The following ELMO1 variants were observed in gnomAD, a reference collection of about 807,000 sequenced individuals.
The protein encoded by ELMO1 is engulfment and cell motility protein 1.
ELMO1 carries 26 observed loss-of-function variants against 98.9 expected under a neutral mutation model. The ratio of observed to expected loss-of-function variants is 0.26; its 90% CI spans 0.19 to 0.36. ELMO1 has a LOEUF of 0.36. Among genes scored for constraint, ELMO1 ranks in the 10% least tolerant of loss-of-function variants. The probability of loss-of-function intolerance (pLI) is 1.00; values close to 1 mark genes in which losing one functional copy is unlikely to be tolerated. For missense variants in ELMO1, 627 were observed against 935.2 expected (o/e 0.67, Z 4.30); for synonymous variants, 346 against 346.0 (o/e 1.00, Z 0.00).
In ELMO1 at chr7:37,334,822, C is replaced by A. The variant is rs186948598; in HGVS notation, c.78+7791G>T. ...CTATAGAAATATGGTAGTTGAAAAA[C>A]TGCAGGCAATCACACTTACCTAAAA... On this transcript the variant is annotated intron_variant, in intron 2 of 21. Coordinates refer to ENST00000310758, the MANE Select transcript of ELMO1 (RefSeq NM_014800.11). Among the ~76,000 whole-genome samples, 93 of 152,268 alleles carry A rather than the reference C, an allele frequency of 6.1e-4. 1 individual carries two copies. In the Middle Eastern group the frequency reaches 0.02, roughly 33 times the overall value.
At chr7:37,001,815 T>G (rs1792690160) in intron 16 of ELMO1, among the ~76,000 whole-genome samples, 1 of 152,142 alleles carries the variant, frequency 6.6e-6, no homozygotes, top group Non-Finnish European at 1.5e-5. Context: ...GAAAAATTAC[T>G]TTAGGTGAAT....
rs76777595 is a variant in ELMO1 at position 36,931,788 on chromosome 7, G to A, written c.1438-36771C>T. On this transcript the variant is annotated intron_variant, in intron 16 of 21. Coordinates refer to ENST00000310758, the MANE Select transcript of ELMO1 (RefSeq NM_014800.11). ...CAATGCTTGAGCTGCGTAACCTTGG[G>A]CACACGTGGAGGGAGATACATCCTC... Among the ~76,000 whole-genome samples, 852 of 152,278 alleles carry A rather than the reference G, an allele frequency of 5.6e-3. 18 individuals are homozygous for A. In the East Asian group the frequency reaches 0.082, roughly 15 times the overall value.
At chr7:37,401,566 A>G (rs1803528715) in intron 1 of ELMO1, among the ~76,000 whole-genome samples, 1 of 152,230 alleles carries the variant, frequency 6.6e-6, no homozygotes, top group South Asian at 2.1e-4. Flanking sequence ...AGGAGGCCTC[A>G]GGAAACTTAT....
chr7:37,233,083 A>G lies in ELMO1; in HGVS notation c.549+12T>C. On this transcript the variant is annotated intron_variant, in intron 8 of 21. Transcript: ENST00000310758. ...CAGTAAGGAAAGCCTAAAGAGGCAGAGTCCACCTTACCTTCTTAATGAACG... is the reference window on the plus strand; with the variant it reads ...CAGTAAGGAAAGCCTAAAGAGGCAGGGTCCACCTTACCTTCTTAATGAACG... 1.2e-6 allele frequency: 2 copies of G among 1,607,768 alleles called. No homozygotes were observed. The highest frequency in any genetic ancestry group is 1.7e-6 in the Non-Finnish European group (2 of 1,175,810).
chr7:37,440,990 A>G (rs1805393784), intron 1 of ELMO1, among the ~76,000 whole-genome samples: 1 of 151,872 alleles, frequency 6.6e-6, no homozygotes, highest in African/African-American at 2.4e-5. Flanking sequence ...TGGGCTAAAG[A>G]GACCAAAAAC....
At position 37,013,290 on chromosome 7, in the gene ELMO1, C is replaced by G. The variant is rs1793686445; in HGVS notation, c.1437+9G>C. 6.2e-7 allele frequency: 1 copy of G among 1,613,844 alleles called. No homozygotes were observed. The highest frequency in any genetic ancestry group is 1.1e-5 in the South Asian group (1 of 91,078). On this transcript the variant is annotated intron_variant, in intron 16 of 21. Transcript: ENST00000310758. ...GGAATCCCCTGCCTCTATCCGAGAT[C>G]CACATTACCTTGTTGAAGTCTTCAG...
At chr7:37,098,426 A>T (rs1784473326) in intron 14 of ELMO1, among the ~76,000 whole-genome samples, 1 of 152,232 alleles carries the variant, frequency 6.6e-6, no homozygotes. Flanking sequence ...AGTAACAGGG[A>T]ATGCTTGGGG....
intron 2 of ELMO1, among the ~76,000 whole-genome samples, chr7:37,333,098 G>A (rs1456386119): frequency 6.6e-6 from 1 of 152,172 alleles, no homozygotes; most frequent in Non-Finnish European, 1.5e-5. Context: ...CTAGGAACAA[G>A]AAACTAGAAA....
chr7:36,941,010 G>A (rs891941869), intron 16 of ELMO1, among the ~76,000 whole-genome samples: 1 of 152,240 alleles, frequency 6.6e-6, no homozygotes, highest in Non-Finnish European at 1.5e-5. Flanking sequence ...GAAGGAGATA[G>A]CATCGGCTCT....
intron 15 of ELMO1, among the ~76,000 whole-genome samples, chr7:37,095,012 T>C (rs182364514): frequency 3.3e-5 from 5 of 152,336 alleles, no homozygotes; most frequent in African/African-American, 1.2e-4. Context: ...GGGCACGGCA[T>C]GTCATAGAAC....
chr7:36,860,990 AC>A (rs1386096752), intron 21 of ELMO1, among the ~76,000 whole-genome samples: 2 of 149,516 alleles, frequency 1.3e-5, no homozygotes, highest in African/African-American at 5.1e-5. Flanking sequence ...CACACGCAAA[AC>A]AAAAATTTGA....
chr7:37,274,678 G>C (rs567704922), intron 4 of ELMO1, among the ~76,000 whole-genome samples: 1 of 152,054 alleles, frequency 6.6e-6, no homozygotes, highest in African/African-American at 2.4e-5. Flanking sequence ...TCAGCCTTCC[G>C]AGTAGCTGGG....
intron 15 of ELMO1, among the ~76,000 whole-genome samples, chr7:37,068,621 A>G (rs1328347367): frequency 6.6e-6 from 1 of 152,214 alleles, no homozygotes; most frequent in African/African-American, 2.4e-5. Context: ...AGAAATTAAC[A>G]TGCAATGTCT....
At chr7:36,900,708 A>G (rs1419321295) in intron 16 of ELMO1, among the ~76,000 whole-genome samples, 3 of 152,264 alleles carry the variant, frequency 2.0e-5, no homozygotes, top group Admixed American at 6.5e-5. Context: ...AAAAAGTACA[A>G]TCTACCCCCA....
At position 37,231,502 on chromosome 7, in the gene ELMO1, C is replaced by T. The variant is rs146426714; in HGVS notation, c.549+1593G>A. 2.4e-3 allele frequency among the ~76,000 whole-genome samples: 373 copies of T among 152,272 alleles called. 5 individuals are homozygous for T. Among genetic ancestry groups the T allele is most frequent in the Non-Finnish European group, 2.3e-3 (156 of 68,026 alleles). ...TAGCATTCTTGCCAAAAATGCATAA[C>T]CTTCTTTAATTGAACCATGAGGGAA... is the stretch of plus-strand genomic sequence containing the variant. On this transcript the variant is annotated intron_variant, in intron 8 of 21. Coordinates refer to ENST00000310758, the MANE Select transcript of ELMO1 (RefSeq NM_014800.11).
intron 16 of ELMO1, among the ~76,000 whole-genome samples, chr7:36,980,423 T>A (rs1790948247): frequency 1.3e-5 from 2 of 152,196 alleles, no homozygotes; most frequent in Non-Finnish European, 2.9e-5. Context: ...GGATAGATAG[T>A]TCAGAAGTTT....
chr7:37,360,188 G>T (rs1012673482), intron 1 of ELMO1, among the ~76,000 whole-genome samples: 1 of 152,124 alleles, frequency 6.6e-6, no homozygotes, highest in Non-Finnish European at 1.5e-5. Context: ...AGCAGATAAG[G>T]TGATTTTATT....
intron 1 of ELMO1, among the ~76,000 whole-genome samples, chr7:37,371,861 G>A (rs576662333): frequency 2.6e-5 from 4 of 152,278 alleles, no homozygotes; most frequent in East Asian, 1.9e-4. Flanking sequence ...GCCGATTTCC[G>A]TTGCTTGAGG....
chr7:36,910,475 G>T (rs529225694), intron 16 of ELMO1, among the ~76,000 whole-genome samples: 1 of 152,302 alleles, frequency 6.6e-6, no homozygotes, highest in South Asian at 2.1e-4. Context: ...AAGGGGAGTG[G>T]TTAGAACTTT....
Sources: gnomAD v4.1 joint callset for allele counts (sites outside exome capture counted in the v4.1 genomes callset) on GRCh38, gnomAD v4.1.1 for gene constraint, MANE v1.5 for transcripts, NCBI Gene and HGNC (gene_info 2026-07-23, HGNC 2026-07-21) for gene names.